The following DNAH6 variants were observed in gnomAD, a reference collection of about 807,000 sequenced individuals.
The protein encoded by DNAH6 is axonemal beta dynein heavy chain 6.
DNAH6 carries 340 observed loss-of-function variants against 491.4 expected under a neutral mutation model. That is an observed-to-expected ratio of 0.69 (90% CI 0.63 to 0.76). The LOEUF is 0.76. Ranked by LOEUF, DNAH6 falls within the 30% of genes least tolerant of loss-of-function variation. The probability of loss-of-function intolerance (pLI) is 0.00; values close to 1 mark genes in which losing one functional copy is unlikely to be tolerated. For missense variants in DNAH6, 4,443 were observed against 4,972.2 expected (o/e 0.89, Z 3.20); for synonymous variants, 1,603 against 1,686.1 (o/e 0.95, Z 1.21).
At chr2:84,748,858 G>A (rs769691844) in intron 63 of DNAH6, among the ~76,000 whole-genome samples, 9 of 152,204 alleles carry the variant, frequency 5.9e-5, no homozygotes. Flanking sequence ...AGTTCTGCAA[G>A]CTGTACAAGT....
chr2:84,814,600 C>T (rs1216878791), intron 75 of DNAH6, among the ~76,000 whole-genome samples: 1 of 152,108 alleles, frequency 6.6e-6, no homozygotes, highest in Non-Finnish European at 1.5e-5. Context: ...TAAAGCAACA[C>T]CCACATAAAA....
chr2:84,789,352 A>G (rs1463938819), intron 68 of DNAH6, among the ~76,000 whole-genome samples: 7 of 152,234 alleles, frequency 4.6e-5, no homozygotes, highest in Non-Finnish European at 8.8e-5. Context: ...TTTCCACTCC[A>G]TAGGTGCCAA....
intron 75 of DNAH6, among the ~76,000 whole-genome samples, chr2:84,814,438 C>T (rs925346951): frequency 3.9e-5 from 6 of 152,152 alleles, no homozygotes; most frequent in African/African-American, 1.2e-4. Flanking sequence ...CGAGAGAAGC[C>T]TGAGTTTGAA....
At chr2:84,595,065 A>T (rs1053203049) in intron 17 of DNAH6, among the ~76,000 whole-genome samples, 1 of 152,294 alleles carries the variant, frequency 6.6e-6, no homozygotes, top group African/African-American at 2.4e-5. Flanking sequence ...CATTCACCCT[A>T]GGAAATGCAC....
chr2:84,643,706 A>G (rs574265530), intron 33 of DNAH6, among the ~76,000 whole-genome samples: 18 of 152,228 alleles, frequency 1.2e-4, no homozygotes, highest in African/African-American at 3.9e-4. Context: ...GGTTTTTATA[A>G]TTCATTTCTT....
chr2:84,488,991 A>G, the DNAH6 span, among the ~76,000 whole-genome samples: 1 of 152,132 alleles, frequency 6.6e-6, no homozygotes, highest in Non-Finnish European at 1.5e-5. Context: ...TAGCTTTATC[A>G]ATGATAAAGA....
At chr2:84,560,739 T>G (rs1680584350) in intron 11 of DNAH6, among the ~76,000 whole-genome samples, 1 of 152,210 alleles carries the variant, frequency 6.6e-6, no homozygotes, top group Non-Finnish European at 1.5e-5. Flanking sequence ...GATAGTTTAC[T>G]GAGAATGATG....
chr2:84,570,799 G>A (rs1025915576), intron 11 of DNAH6, among the ~76,000 whole-genome samples: 3 of 152,188 alleles, frequency 2.0e-5, no homozygotes, highest in Non-Finnish European at 4.4e-5. Flanking sequence ...CGCTGTGGAA[G>A]GTTTGTTCTT....
intron 5 of DNAH6, among the ~76,000 whole-genome samples, chr2:84,546,821 A>C (rs1202895959): frequency 1.3e-5 from 2 of 152,186 alleles, no homozygotes; most frequent in African/African-American, 4.8e-5. Context: ...AACATGAAGC[A>C]GTTTTCCAAA....
intron 16 of DNAH6, among the ~76,000 whole-genome samples, chr2:84,590,498 C>CAA (rs35787415): frequency 0.035 from 3,391 of 97,216 alleles, 162 homozygotes; most frequent in African/African-American, 0.075. Flanking sequence ...GGCTCCATTT[C>CAA]AAAAAAAAAA....
intron 4 of DNAH6, among the ~76,000 whole-genome samples, chr2:84,531,673 C>G (rs1295751520): frequency 6.6e-6 from 1 of 152,016 alleles, no homozygotes; most frequent in Non-Finnish European, 1.5e-5. Context: ...GGGAAAAATA[C>G]ATGTTTGGGT....
At chr2:84,753,959 G>A in intron 63 of DNAH6, among the ~76,000 whole-genome samples, 1 of 150,900 alleles carries the variant, frequency 6.6e-6, no homozygotes, top group East Asian at 2.0e-4. Context: ...CAAGTAGCTG[G>A]GACTACAAGT....
Position 84,624,929 on chromosome 2 carries a change from G to C in DNAH6, c.4381G>C (p.Ala1461Pro), listed in dbSNP as rs1035243056. The C allele has an allele frequency of 1.3e-6, 2 of 1,551,064 alleles. No individual in the cohort carries two copies. Among genetic ancestry groups the C allele is most frequent in the African/African-American group, 2.7e-5 (2 of 72,992 alleles). The change falls in exon 29 of 77, where the codon GCT becomes CCT. Residue 1461 changes from alanine to proline, a missense_variant. Physicochemically the swap from Ala to Pro is conservative, Grantham distance 27 (BLOSUM62 -1). Coordinates refer to ENST00000389394, the MANE Select transcript of DNAH6 (RefSeq NM_001370.2). ...TCGCTGCTATCTTTGCCTCATGGGAGCTTTGCAGCTTGACCTTGGGGGTGC... is the reference window on the plus strand; with the variant it reads ...TCGCTGCTATCTTTGCCTCATGGGACCTTTGCAGCTTGACCTTGGGGGTGC... Reference protein sequence around the residue: ...TDRCYLCLMGALQLDLGGAPA... With the variant: ...TDRCYLCLMGPLQLDLGGAPA...
Position 84,727,702 on chromosome 2 carries a change from A to G in DNAH6, c.10006A>G (p.Thr3336Ala). ...TACCACCATTGAAACTTCTGTAAAG[A>G]CAGAAAATCTACAACAGCGCCTGGA... ...FNTTIETSVK[T>A]ENLQQRLDVL... The change falls in exon 61 of 77, where the codon ACA (threonine) becomes GCA (alanine). Residue 3336 changes from threonine to alanine, a missense_variant. By Grantham distance (58) the Thr-to-Ala change is moderately conservative (BLOSUM62 0). Around this residue, in one of 3 missense-constraint regions of DNAH6, gnomAD observed 1,463 missense variants for 1,656.6 expected, o/e 0.88. Coordinates refer to ENST00000389394, the MANE Select transcript of DNAH6 (RefSeq NM_001370.2). 6.4e-7 allele frequency: 1 copy of G among 1,551,276 alleles called. No individual in the cohort carries two copies. The highest frequency in any genetic ancestry group is 8.7e-7 in the Non-Finnish European group (1 of 1,146,566).
chr2:84,600,117 G>C (rs986237890), intron 18 of DNAH6, among the ~76,000 whole-genome samples: 4 of 152,214 alleles, frequency 2.6e-5, no homozygotes, highest in South Asian at 2.1e-4. Context: ...CTGATTTTCT[G>C]CCAGCTTGTT....
intron 64 of DNAH6, among the ~76,000 whole-genome samples, chr2:84,773,165 A>G (rs193073153): frequency 2.6e-5 from 4 of 152,172 alleles, no homozygotes; most frequent in South Asian, 2.1e-4. Context: ...AAATGATCCT[A>G]TCACTGAAGT....
At position 84,672,428 on chromosome 2, in the gene DNAH6, T is replaced by G; in HGVS notation, c.6556T>G (p.Tyr2186Asp). The G allele has an allele frequency of 6.4e-7, 1 of 1,551,650 alleles. No individual in the cohort carries two copies. The highest frequency in any genetic ancestry group is 8.7e-7 in the Non-Finnish European group (1 of 1,146,894). ...SQPPIELLRQ[Y>D]QDFGGFYDRN... ...GCCTCCGATTGAATTACTTCGGCAG[T>G]ATCAAGATTTTGGGGGATTTTATGA... The change falls in exon 40 of 77, where the codon TAT (tyrosine) becomes GAT (aspartate). Residue 2186 changes from tyrosine to aspartate, a missense_variant. Tyr to Asp is a radical substitution (Grantham distance 160). Transcript: ENST00000389394.
At chr2:84,509,860 C>G in the DNAH6 span, among the ~76,000 whole-genome samples, 1 of 152,182 alleles carries the variant, frequency 6.6e-6, no homozygotes, top group African/African-American at 2.4e-5. Flanking sequence ...ATATGAAATT[C>G]TGGGTTGAAA....
chr2:84,763,714 A>ATGTGTGTGTGTG (rs70953906), intron 64 of DNAH6, among the ~76,000 whole-genome samples: 50 of 126,896 alleles, frequency 3.9e-4, no homozygotes, highest in East Asian at 1.3e-3. Flanking sequence ...AACTGATAGG[A>ATGTGTGTGTGTG]TGTGTGTGTG....
Sources: allele counts gnomAD v4.1 joint callset (sites outside exome capture counted in the v4.1 genomes callset), GRCh38; gene constraint gnomAD v4.1.1; regional missense constraint gnomAD v4.1.1; transcripts MANE v1.5; gene names NCBI Gene and HGNC (gene_info 2026-07-23, HGNC 2026-07-21).